The following ARL6IP6 variants were observed in gnomAD, a reference collection of about 807,000 sequenced individuals.
ARL6IP6 encodes the protein ARF like GTPase 6 interacting protein 6, also known as ADP-ribosylation factor-like protein 6-interacting protein 6.
ARL6IP6 carries 22 observed loss-of-function variants against 21.5 expected under a neutral mutation model. That is an observed-to-expected ratio of 1.02 (90% CI 0.73 to 1.46). The LOEUF is 1.46. Ranked by LOEUF, ARL6IP6 falls within the 40% of genes most tolerant of loss-of-function variation. The probability of loss-of-function intolerance (pLI) is 0.00; values close to 1 mark genes in which losing one functional copy is unlikely to be tolerated. For synonymous variants in ARL6IP6, 164 were observed against 125.3 expected (o/e 1.31, Z -2.06); for missense variants, 388 against 299.8 (o/e 1.29, Z -2.17).
chr2:152,738,630 A>AC (rs1700657860), intron 3 of ARL6IP6, among the ~76,000 whole-genome samples: 1 of 152,026 alleles, frequency 6.6e-6, no homozygotes, highest in African/African-American at 2.4e-5. Context: ...GTGTACATTG[A>AC]CCCCTTTTAG....
At chr2:152,729,223 A>G (rs1402157362) in intron 2 of ARL6IP6, among the ~76,000 whole-genome samples, 1 of 152,108 alleles carries the variant, frequency 6.6e-6, no homozygotes, top group Admixed American at 6.5e-5. Flanking sequence ...TACAAGAATT[A>G]GCTGGGTGTG....
intron 2 of ARL6IP6, 90 bp downstream of exon 2, chr2:152,720,676 AT>A: frequency 1.3e-5 from 14 of 1,091,480 alleles, no homozygotes; most frequent in Non-Finnish European, 1.6e-5. Flanking sequence ...AAAATACTTA[AT>A]GTATTTCTAT....
chr2:152,754,674 C>T (rs1391664948), intron 3 of ARL6IP6, among the ~76,000 whole-genome samples: 6 of 152,148 alleles, frequency 3.9e-5, no homozygotes, highest in African/African-American at 1.4e-4. Flanking sequence ...ATTTTACATT[C>T]CCACCAGCAA....
chr2:152,718,634 G>A lies in ARL6IP6; in HGVS notation c.10G>A (p.Ala4Thr). Reference sequence around the variant, plus strand: ...CGTTGTGTTTCGCGCCATGTCGTTTGCTGAGAGCGGGTGGCGGTCGGCTCT... The same window carrying A: ...CGTTGTGTTTCGCGCCATGTCGTTTACTGAGAGCGGGTGGCGGTCGGCTCT... The part of the protein sequence containing the change: MSF[A>T]ESGWRSALRR... The change falls in exon 1 of 4, where the codon GCT becomes ACT. Residue 4 changes from alanine to threonine, a missense_variant. By Grantham distance (58) the Ala-to-Thr change is moderately conservative. Transcript: ENST00000326446. 1 of 1,537,102 alleles carries A rather than the reference G, an allele frequency of 6.5e-7. No individual in the cohort carries two copies. The highest frequency in any genetic ancestry group is 8.8e-7 in the Non-Finnish European group (1 of 1,141,060).
At chr2:152,746,329 TCTTG>T (rs1218780684) in intron 3 of ARL6IP6, among the ~76,000 whole-genome samples, 1 of 152,086 alleles carries the variant, frequency 6.6e-6, no homozygotes, top group African/African-American at 2.4e-5. Context: ...GCCCAGCTGC[TCTTG>T]CTTGTGCTAT....
chr2:152,729,330 TTGTCTG>T (rs772488881), intron 2 of ARL6IP6, among the ~76,000 whole-genome samples: 12 of 57,522 alleles, frequency 2.1e-4, no homozygotes, highest in African/African-American at 4.1e-4. Context: ...GAGCCAGACT[TTGTCTG>T]TGTGTGTGTG....
intron 3 of ARL6IP6, among the ~76,000 whole-genome samples, chr2:152,740,768 T>C (rs1254742443): frequency 1.3e-5 from 2 of 152,118 alleles, no homozygotes; most frequent in Non-Finnish European, 2.9e-5. Context: ...TTTGTATTTG[T>C]ACAAAATAAT....
At chr2:152,738,958 T>A (rs1318758244) in intron 3 of ARL6IP6, among the ~76,000 whole-genome samples, 2 of 152,086 alleles carry the variant, frequency 1.3e-5, no homozygotes, top group East Asian at 3.9e-4. Context: ...TTCCAAACCA[T>A]GTTTTTGTGA....
intron 3 of ARL6IP6, among the ~76,000 whole-genome samples, chr2:152,749,840 C>T (rs1189822175): frequency 6.6e-6 from 1 of 152,174 alleles, no homozygotes; most frequent in African/African-American, 2.4e-5. Flanking sequence ...GTCATACCTT[C>T]TATATAGCTT....
chr2:152,729,739 A>T (rs574019296), intron 2 of ARL6IP6, among the ~76,000 whole-genome samples: 1 of 152,328 alleles, frequency 6.6e-6, no homozygotes, highest in East Asian at 1.9e-4. Flanking sequence ...AGCTTTATAT[A>T]TGTACCTGTA....
chr2:152,734,009 C>T (rs1343358362), intron 2 of ARL6IP6, among the ~76,000 whole-genome samples: 1 of 152,136 alleles, frequency 6.6e-6, no homozygotes, highest in Non-Finnish European at 1.5e-5. Flanking sequence ...AGCTGTACTT[C>T]TTACTAAAGG....
At chr2:152,745,597 C>T (rs1701007988) in intron 3 of ARL6IP6, among the ~76,000 whole-genome samples, 1 of 152,116 alleles carries the variant, frequency 6.6e-6, no homozygotes, top group Admixed American at 6.5e-5. Context: ...CTCTTTGATA[C>T]AGATTTTGGA....
intron 2 of ARL6IP6, among the ~76,000 whole-genome samples, chr2:152,732,814 T>C (rs1358624035): frequency 1.3e-5 from 2 of 152,176 alleles, no homozygotes; most frequent in Admixed American, 1.3e-4. Context: ...TAATACCTAA[T>C]ATAATGTAAA....
At chr2:152,748,984 G>A (rs942615783) in intron 3 of ARL6IP6, among the ~76,000 whole-genome samples, 5 of 151,982 alleles carry the variant, frequency 3.3e-5, no homozygotes, top group Non-Finnish European at 7.4e-5. Context: ...TAATTTATTT[G>A]GAATTTTTGG....
At position 152,729,415 on chromosome 2, in the gene ARL6IP6, G is replaced by A. The variant is rs144956122; in HGVS notation, c.455-5579G>A. On this transcript the variant is annotated intron_variant, in intron 2 of 3. Transcript: ENST00000326446. ...ATCAACTGATGAATATTGAGCTGTA[G>A]AGAAGAACGAAGGATGTGTGTATTT... Among the ~76,000 whole-genome samples, 16 of 152,320 alleles carry A rather than the reference G, an allele frequency of 1.1e-4. 2 individuals are homozygous for A. The Middle Eastern group carries it at 0.01, about 97-fold the overall frequency.
At chr2:152,720,850 GGAA>G (rs1459092598) in intron 2 of ARL6IP6, among the ~76,000 whole-genome samples, 43 of 152,120 alleles carry the variant, frequency 2.8e-4, no homozygotes, top group Admixed American at 2.8e-3. Context: ...CAACACTTTG[GGAA>G]GCTGAGGCAG....
At chr2:152,739,122 A>C (rs913517224) in intron 3 of ARL6IP6, among the ~76,000 whole-genome samples, 4 of 151,858 alleles carry the variant, frequency 2.6e-5, no homozygotes, top group Non-Finnish European at 5.9e-5. Context: ...AGCTGGGACT[A>C]CAGGCGCCCA....
At chr2:152,723,713 C>T (rs1415064123) in intron 2 of ARL6IP6, among the ~76,000 whole-genome samples, 2 of 152,108 alleles carry the variant, frequency 1.3e-5, no homozygotes, top group East Asian at 3.9e-4. Context: ...GTATGGGTAA[C>T]AATCACTTGG....
chr2:152,722,628 C>T (rs1034561134), intron 2 of ARL6IP6, among the ~76,000 whole-genome samples: 2 of 152,116 alleles, frequency 1.3e-5, no homozygotes, highest in African/African-American at 2.4e-5. Context: ...ATCGGCCACG[C>T]GCGGTGGCTC....
Sources: allele counts gnomAD v4.1 joint callset (sites outside exome capture counted in the v4.1 genomes callset), GRCh38; gene constraint gnomAD v4.1.1; transcripts MANE v1.5; gene names NCBI Gene and HGNC (gene_info 2026-07-23, HGNC 2026-07-21).